TMEM154: variants seen among roughly 807,000 people sequenced by gnomAD.
TMEM154 encodes transmembrane protein 154.
A neutral mutation model predicts 24.5 loss-of-function variants in TMEM154; 27 were observed. That is an observed-to-expected ratio of 1.10 (90% confidence interval 0.81 to 1.52). TMEM154 has a LOEUF of 1.52. Ranked by LOEUF, TMEM154 falls within the 40% of genes most tolerant of loss-of-function variation. The pLI is 0.00. For synonymous variants in TMEM154, 67 were observed against 76.8 expected, an observed-to-expected ratio of 0.87 and a Z score of 0.67; for missense variants, 228 against 213.4, an observed-to-expected ratio of 1.07 and a Z score of -0.43.
intron 1 of TMEM154, chr4:152,666,727 A>C (rs1354314305): frequency 6.6e-6 from 1 of 152,254 alleles, no homozygotes; most frequent in African/African-American, 2.4e-5. Flanking sequence ...TCAGGGACAG[A>C]ATGGGACTAA....
chr4:152,635,557 A>G (rs963584046), intron 6 of TMEM154, among the ~76,000 whole-genome samples: 2 of 152,216 alleles, frequency 1.3e-5, no homozygotes, highest in Non-Finnish European at 2.9e-5. Context: ...ATCAAAAATT[A>G]TACTTTCTCA....
intron 1 of TMEM154, among the ~76,000 whole-genome samples, chr4:152,676,102 C>T (rs1728948108): frequency 6.6e-6 from 1 of 152,170 alleles, no homozygotes. Flanking sequence ...TTCTGTTTTT[C>T]CTGCTTCTAG....
At chr4:152,644,673 C>T (rs571314452) in intron 3 of TMEM154, among the ~76,000 whole-genome samples, 12 of 152,258 alleles carry the variant, frequency 7.9e-5, no homozygotes, top group East Asian at 5.8e-4. Context: ...CTGCTGAGAA[C>T]GCTCACTTCA....
chr4:152,641,275 C>T, intron 5 of TMEM154: 2 of 346,132 alleles, frequency 5.8e-6, no homozygotes, highest in South Asian at 8.8e-5. Context: ...GCTCCAAAAG[C>T]TAGAATCTGC....
intron 6 of TMEM154, among the ~76,000 whole-genome samples, chr4:152,638,989 T>A (rs1224418218): frequency 1.3e-5 from 2 of 152,198 alleles, no homozygotes; most frequent in Non-Finnish European, 2.9e-5. Context: ...TCACTCTTGT[T>A]GCCTAGGCTG....
intron 1 of TMEM154, among the ~76,000 whole-genome samples, chr4:152,658,078 T>C (rs1455203217): frequency 6.6e-6 from 1 of 152,044 alleles, no homozygotes; most frequent in African/African-American, 2.4e-5. Flanking sequence ...TGAAATCATA[T>C]CAAATATCTT....
rs750275204 is a variant in TMEM154, at chr4:152,679,867, T to A, written c.64+3A>T. On this transcript the variant is annotated splice_donor_region_variant and intron_variant, in intron 1 of 6. Transcript: ENST00000304385. ...CCAGGAGTAGGAAGTGGAGGCGGCTTACCCCGGCCGACGGGAACGAGCGCG... is the reference window on the plus strand; with the variant it reads ...CCAGGAGTAGGAAGTGGAGGCGGCTAACCCCGGCCGACGGGAACGAGCGCG... 1 of 1,607,148 alleles carries A rather than the reference T, an allele frequency of 6.2e-7. No individual in the cohort carries two copies. The highest frequency in any genetic ancestry group is 1.1e-5 in the South Asian group (1 of 89,270).
At position 152,621,287 on chromosome 4, in the gene TMEM154, G is replaced by A. The variant is rs1751840191; in HGVS notation, c.*7259C>T. On this transcript the variant is annotated 3_prime_UTR_variant, in exon 7 of 7. Transcript: ENST00000304385. ...GATCATGTGGCAACACAGGAAAGAA[G>A]CCCTGTACTAATGAAGGTGGGGAAG... 6.6e-6 allele frequency: 1 copy of A among 152,246 alleles called. No individual in the cohort carries two copies. Among genetic ancestry groups the A allele is most frequent in the South Asian group, 2.1e-4 (1 of 4,830 alleles). The allele number at this position is 152,246 out of a possible 1,614,324, so 9.4% of individuals were successfully genotyped here. A position where few individuals can be genotyped will look rare whatever the true frequency, so the allele number is the denominator to read the frequency against.
At chr4:152,656,118 C>G (rs1728486868) in intron 1 of TMEM154, among the ~76,000 whole-genome samples, 1 of 152,122 alleles carries the variant, frequency 6.6e-6, no homozygotes, top group African/African-American at 2.4e-5. Context: ...AGCTACAGGC[C>G]TGGGGACTGG....
intron 1 of TMEM154, among the ~76,000 whole-genome samples, chr4:152,655,350 C>G (rs1269391195): frequency 2.0e-5 from 3 of 152,192 alleles, no homozygotes; most frequent in Non-Finnish European, 4.4e-5. Flanking sequence ...GAGAGCCCCT[C>G]AACTCTCACA....
At chr4:152,667,695 G>A (rs1021963074) in intron 1 of TMEM154, among the ~76,000 whole-genome samples, 2 of 152,262 alleles carry the variant, frequency 1.3e-5, no homozygotes, top group South Asian at 2.1e-4. Flanking sequence ...ATGGCAGCTT[G>A]TAAGTGCAGA....
At chr4:152,668,049 T>C (rs1728754869) in intron 1 of TMEM154, among the ~76,000 whole-genome samples, 2 of 152,254 alleles carry the variant, frequency 1.3e-5, no homozygotes, top group Admixed American at 6.5e-5. Context: ...AGAGGAAGCT[T>C]GCTCACATTT....
At chr4:152,665,140 G>A (rs1728692949) in intron 1 of TMEM154, among the ~76,000 whole-genome samples, 1 of 152,218 alleles carries the variant, frequency 6.6e-6, no homozygotes, top group Non-Finnish European at 1.5e-5. Context: ...CTTGAGTCCA[G>A]TCCAAGGCTG....
intron 6 of TMEM154, among the ~76,000 whole-genome samples, chr4:152,632,103 G>A (rs11737220): frequency 0.3 from 45,212 of 151,968 alleles, 7,772 homozygotes; most frequent in East Asian, 0.51. Context: ...CACAGTGCCC[G>A]GCCAAATCTA....
At chr4:152,644,177 T>C (rs1354390090) in intron 4 of TMEM154, among the ~76,000 whole-genome samples, 1 of 152,194 alleles carries the variant, frequency 6.6e-6, no homozygotes, top group African/African-American at 2.4e-5. Context: ...TTTCTGAATG[T>C]AGGACAATGA....
rs768821548 is a variant in TMEM154, at chr4:152,623,143, T to C, written c.*5403A>G. ...TGTGCCTGGCTGGGACCACTTCTAA[T>C]ATGAGGCTTACAAGGTAGAATTTAT... is the stretch of plus-strand genomic sequence containing the variant. On this transcript the variant is annotated 3_prime_UTR_variant, in exon 7 of 7. Coordinates refer to ENST00000304385, the MANE Select transcript of TMEM154 (RefSeq NM_152680.3). 2 of 152,140 alleles carry C rather than the reference T, an allele frequency of 1.3e-5. No homozygotes were observed. The highest frequency in any genetic ancestry group is 2.9e-5 in the Non-Finnish European group (2 of 68,022). 9.4% of individuals were successfully genotyped at this position (152,140 alleles called of 1,614,324 possible). A position where few individuals can be genotyped will look rare whatever the true frequency, so the allele number is the denominator to read the frequency against.
intron 1 of TMEM154, among the ~76,000 whole-genome samples, chr4:152,657,659 T>A (rs1024509673): frequency 2.0e-5 from 3 of 152,126 alleles, no homozygotes; most frequent in East Asian, 3.8e-4. Flanking sequence ...CACAGCACAT[T>A]ATAGTCAAAC....
chr4:152,672,156 A>G (rs901290275), intron 1 of TMEM154, among the ~76,000 whole-genome samples: 2 of 151,574 alleles, frequency 1.3e-5, no homozygotes, highest in Admixed American at 1.3e-4. Context: ...AGTCCCAGCT[A>G]CTCAGGAGGC....
chr4:152,635,966 C>T (rs1004823460), intron 6 of TMEM154, among the ~76,000 whole-genome samples: 2 of 152,116 alleles, frequency 1.3e-5, no homozygotes, highest in Admixed American at 6.5e-5. Flanking sequence ...CTAATATTTG[C>T]GATTCCTTGT....
Sources: allele counts gnomAD v4.1 joint callset (sites outside exome capture counted in the v4.1 genomes callset), GRCh38; gene constraint gnomAD v4.1.1; transcripts MANE v1.5; gene names NCBI Gene and HGNC (gene_info 2026-07-23, HGNC 2026-07-21).